RASSF3: variants seen among roughly 807,000 people sequenced by gnomAD.
The protein encoded by RASSF3 is ras association domain-containing protein 3.
RASSF3 carries 19 observed loss-of-function variants against 19.9 expected under a neutral mutation model. The observed-to-expected ratio is 0.96, with a 90% confidence interval of 0.67 to 1.40. RASSF3 has a LOEUF of 1.40. Ranked by LOEUF, RASSF3 falls within the 40% of genes most tolerant of loss-of-function variation. RASSF3 has a pLI of 0.00. For synonymous variants in RASSF3, 110 were observed against 104.2 expected, an observed-to-expected ratio of 1.06 and a Z score of -0.34; for missense variants, 306 against 289.8, an observed-to-expected ratio of 1.06 and a Z score of -0.41.
intron 2 of RASSF3, among the ~76,000 whole-genome samples, chr12:64,601,714 G>A (rs1004389580): frequency 2.0e-5 from 3 of 152,144 alleles, no homozygotes; most frequent in South Asian, 2.1e-4. Context: ...TCAGGAGGCC[G>A]AGGTGGGAAG....
At chr12:64,558,125 A>G (rs919965821) in intron 2 of RASSF3, among the ~76,000 whole-genome samples, 2 of 152,214 alleles carry the variant, frequency 1.3e-5, no homozygotes, top group Non-Finnish European at 1.5e-5. Context: ...GAATAGTGCC[A>G]TACTGAGGGC....
upstream of RASSF3, among the ~76,000 whole-genome samples, chr12:64,530,708 G>A (rs1486818949): frequency 6.6e-6 from 1 of 152,156 alleles, no homozygotes; most frequent in Admixed American, 6.5e-5. Context: ...AGTTCCAGTT[G>A]CTCCACATCC....
At chr12:64,510,573 C>T (rs998501802) in intron 1 of RASSF3, among the ~76,000 whole-genome samples, 6 of 152,154 alleles carry the variant, frequency 3.9e-5, no homozygotes, top group African/African-American at 1.2e-4. Context: ...TTAATTAAGG[C>T]TCCCAAATGG....
At chr12:64,650,690 C>T (rs1403965234) in intron 1 of RASSF3, among the ~76,000 whole-genome samples, 2 of 152,100 alleles carry the variant, frequency 1.3e-5, no homozygotes, top group South Asian at 2.1e-4. Context: ...GCTGGGATTA[C>T]AGGCGTGAGC....
chr12:64,622,568 G>A, intron 1 of RASSF3: 1 of 505,472 alleles, frequency 2.0e-6, no homozygotes, highest in Non-Finnish European at 4.0e-6. Context: ...ACTTTCAGTA[G>A]CAAAAATCTC....
chr12:64,664,943 C>T (rs1199470417), intron 1 of RASSF3, among the ~76,000 whole-genome samples: 1 of 152,158 alleles, frequency 6.6e-6, no homozygotes, highest in Non-Finnish European at 1.5e-5. Flanking sequence ...TTTCAGTTCT[C>T]TATATAGTAT....
chr12:64,526,157 C>A (rs1363755605), intron 1 of RASSF3, among the ~76,000 whole-genome samples: 1 of 152,160 alleles, frequency 6.6e-6, no homozygotes, highest in Non-Finnish European at 1.5e-5. Context: ...TATGTATCTA[C>A]ATTTTTATTT....
chr12:64,635,855 G>C (rs772775479), intron 1 of RASSF3, among the ~76,000 whole-genome samples: 2 of 152,188 alleles, frequency 1.3e-5, no homozygotes, highest in Non-Finnish European at 2.9e-5. Context: ...AGTAAGCCTA[G>C]ACGGACTAGT....
chr12:64,618,221 C>T (rs1471076991), intron 1 of RASSF3, among the ~76,000 whole-genome samples: 1 of 152,154 alleles, frequency 6.6e-6, no homozygotes, highest in Non-Finnish European at 1.5e-5. Context: ...CCCACATGAT[C>T]CTCCTGCCTT....
At chr12:64,584,879 CTTTTTTTT>C (rs34522445) in intron 2 of RASSF3, among the ~76,000 whole-genome samples, 3 of 80,800 alleles carry the variant, frequency 3.7e-5, no homozygotes, top group African/African-American at 4.9e-5. Context: ...CAGAAGGATT[CTTTTTTTT>C]TTTTTTTTTT....
At chr12:64,543,424 TCCCC>T (rs1565836078), downstream of RASSF3, among the ~76,000 whole-genome samples, 9,917 of 22,026 alleles carry the variant, frequency 0.45, 1,306 homozygotes, top group Middle Eastern at 0.68. Context: ...GCCCCCCGGC[TCCCC>T]GCCCGCCCCC....
rs530067716 is a variant in RASSF3 at position 64,589,683 on chromosome 12, C to G, written c.294+47978C>G. Among the ~76,000 whole-genome samples, 28 of 151,870 alleles carry G rather than the reference C, an allele frequency of 1.8e-4. No individual in the cohort carries two copies. In the South Asian group the frequency reaches 5.2e-3, roughly 28 times the overall value. On this transcript the variant is annotated intron_variant, in intron 2 of 5. Transcript: ENST00000637125. ...CCTGTAATCCCAGTACCTTTGAGGC[C>G]AAGGCAGGAAGATCACTTGAGCTTG...
chr12:64,642,037 C>G (rs1038308165), intron 1 of RASSF3, among the ~76,000 whole-genome samples: 1 of 151,922 alleles, frequency 6.6e-6, no homozygotes, highest in Non-Finnish European at 1.5e-5. Flanking sequence ...CCACCGTGCT[C>G]GGCCTGTGAT....
chr12:64,595,123 A>C (rs994492790), intron 2 of RASSF3, among the ~76,000 whole-genome samples: 5 of 123,964 alleles, frequency 4.0e-5, no homozygotes, highest in Non-Finnish European at 6.3e-5. Flanking sequence ...GCTGGGGTGC[A>C]GTGGTGCAGT....
intron 1 of RASSF3, among the ~76,000 whole-genome samples, chr12:64,680,452 C>T (rs1442447279): frequency 1.3e-5 from 2 of 151,936 alleles, no homozygotes; most frequent in African/African-American, 4.8e-5. Context: ...CTGCCCCACA[C>T]TTAGGCAGGT....
intron 1 of RASSF3, among the ~76,000 whole-genome samples, chr12:64,682,553 C>T (rs527276069): frequency 2.4e-4 from 34 of 140,518 alleles, no homozygotes; most frequent in African/African-American, 8.5e-4. Flanking sequence ...GGTGACAGAG[C>T]AAGACTCCGT....
chr12:64,686,384 G>A (rs777777241), intron 2 of RASSF3, among the ~76,000 whole-genome samples: 1 of 152,052 alleles, frequency 6.6e-6, no homozygotes, highest in Admixed American at 6.6e-5. Flanking sequence ...AGGCCGAGGT[G>A]GGCAGATCAC....
chr12:64,565,644 C>T (rs566523812), intron 2 of RASSF3, among the ~76,000 whole-genome samples: 213 of 152,188 alleles, frequency 1.4e-3, no homozygotes, highest in Non-Finnish European at 2.4e-3. Context: ...ACCTGGGAGG[C>T]GGAGGTTGCA....
chr12:64,546,357 G>A (rs1437475432), downstream of RASSF3, among the ~76,000 whole-genome samples: 1 of 152,090 alleles, frequency 6.6e-6, no homozygotes, highest in South Asian at 2.1e-4. Flanking sequence ...TGCAAGCTCC[G>A]CCTCCCGGGT....
Sources: allele counts gnomAD v4.1 joint callset (sites outside exome capture counted in the v4.1 genomes callset), GRCh38; gene constraint gnomAD v4.1.1; transcripts MANE v1.5; gene names NCBI Gene and HGNC (gene_info 2026-07-23, HGNC 2026-07-21).